Variants in COL24A1 observed in about 807,000 individuals in gnomAD.
The protein encoded by COL24A1 is collagen type XXIV alpha 1 chain.
COL24A1 carries 224 observed loss-of-function variants against 253.9 expected under a neutral mutation model. That is an observed-to-expected ratio of 0.88 (90% CI 0.79 to 0.99). COL24A1 has a LOEUF of 0.99. Among genes scored for constraint, COL24A1 ranks in the 50% least tolerant of loss-of-function variants. COL24A1 has a pLI of 0.00. For missense variants in COL24A1, 2,131 were observed against 2,068.5 expected, an observed-to-expected ratio of 1.03 and a Z score of -0.59; for synonymous variants, 685 against 673.7, an observed-to-expected ratio of 1.02 and a Z score of -0.26.
At chr1:85,886,722 T>G (rs1355495303) in intron 32 of COL24A1, among the ~76,000 whole-genome samples, 1 of 152,178 alleles carries the variant, frequency 6.6e-6, no homozygotes, top group Non-Finnish European at 1.5e-5. Flanking sequence ...GTATTTCTCA[T>G]TATATCTGTG....
At chr1:86,023,682 C>T (rs1231145512) in intron 14 of COL24A1, among the ~76,000 whole-genome samples, 1 of 152,040 alleles carries the variant, frequency 6.6e-6, no homozygotes, top group Non-Finnish European at 1.5e-5. Flanking sequence ...TCTTCAGAAA[C>T]ATTACCACTA....
At chr1:86,072,725 T>A (rs560954761) in intron 7 of COL24A1, among the ~76,000 whole-genome samples, 1 of 152,214 alleles carries the variant, frequency 6.6e-6, no homozygotes, top group East Asian at 1.9e-4. Context: ...AGACACCTCA[T>A]ACAGGATAGC....
chr1:85,904,203 C>T (rs928812864), intron 28 of COL24A1, among the ~76,000 whole-genome samples: 6 of 152,260 alleles, frequency 3.9e-5, no homozygotes, highest in African/African-American at 1.2e-4. Flanking sequence ...AATAAAAATG[C>T]TCAGTTGTAT....
chr1:86,114,512 A>G (rs61802237), intron 4 of COL24A1, among the ~76,000 whole-genome samples: 15 of 152,166 alleles, frequency 9.9e-5, no homozygotes, highest in Middle Eastern at 3.4e-3. Context: ...AAGGTTTAGA[A>G]GGGGCTATGG....
chr1:85,745,475 G>T lies in COL24A1; in HGVS notation c.4469C>A (p.Ala1490Asp). ...KQMDINAAIQ[A>D]LIESNTALQM... Reference sequence around the variant, plus strand: ...TAGGGCAGTATTTGATTCAATCAAGGCTTGAATAGCAGCATTGATATCCAT... The same window carrying T: ...TAGGGCAGTATTTGATTCAATCAAGTCTTGAATAGCAGCATTGATATCCAT... Residue 1490 changes from alanine (A) to aspartate (D), a missense_variant, in exon 56 of 60, where the codon GCC becomes GAC. By Grantham distance (126) the Ala-to-Asp change is moderately radical. Coordinates refer to ENST00000370571, the MANE Select transcript of COL24A1 (RefSeq NM_152890.7). 1 of 1,610,084 alleles carries T rather than the reference G, an allele frequency of 6.2e-7. No homozygotes were observed. The highest frequency in any genetic ancestry group is 8.5e-7 in the Non-Finnish European group (1 of 1,178,414).
At chr1:86,130,889 G>A (rs996319571) in intron 2 of COL24A1, among the ~76,000 whole-genome samples, 1 of 151,756 alleles carries the variant, frequency 6.6e-6, no homozygotes, top group Non-Finnish European at 1.5e-5. Context: ...CCAGACTTTT[G>A]TAGTAGCTTC....
chr1:85,784,897 A>G (rs950904290), intron 48 of COL24A1, among the ~76,000 whole-genome samples: 2 of 151,834 alleles, frequency 1.3e-5, no homozygotes, highest in Non-Finnish European at 2.9e-5. Flanking sequence ...CACCTAGCTA[A>G]TTCTCTATTT....
intron 35 of COL24A1, among the ~76,000 whole-genome samples, chr1:85,873,075 C>T (rs921673610): frequency 2.0e-5 from 3 of 152,080 alleles, no homozygotes; most frequent in Non-Finnish European, 4.4e-5. Flanking sequence ...CCAACAGACA[C>T]ATGAAAAAAT....
At chr1:85,961,494 C>T (rs976612105) in intron 23 of COL24A1, among the ~76,000 whole-genome samples, 2 of 152,102 alleles carry the variant, frequency 1.3e-5, no homozygotes, top group Non-Finnish European at 2.9e-5. Context: ...ATCTACACAT[C>T]CTGCACATGT....
intron 39 of COL24A1, among the ~76,000 whole-genome samples, chr1:85,845,725 CTG>C (rs1335014294): frequency 6.6e-6 from 1 of 151,656 alleles, no homozygotes; most frequent in Admixed American, 6.6e-5. Context: ...TATATTAACA[CTG>C]AGAATAAAAC....
intron 48 of COL24A1, among the ~76,000 whole-genome samples, chr1:85,785,848 G>C (rs1468982513): frequency 6.6e-6 from 1 of 152,180 alleles, no homozygotes; most frequent in African/African-American, 2.4e-5. Context: ...ATTTCTAAAA[G>C]AGGTTTTGTC....
chr1:85,978,184 AT>A (rs1692884622), intron 20 of COL24A1, among the ~76,000 whole-genome samples: 1 of 152,138 alleles, frequency 6.6e-6, no homozygotes, highest in Non-Finnish European at 1.5e-5. Context: ...TGTGAAGAGC[AT>A]TCACCACTAC....
chr1:85,803,547 C>T (rs976817705), intron 47 of COL24A1, among the ~76,000 whole-genome samples: 1 of 151,332 alleles, frequency 6.6e-6, no homozygotes, highest in Admixed American at 6.6e-5. Context: ...CTGTAATTTC[C>T]CTCAGCAATG....
intron 20 of COL24A1, among the ~76,000 whole-genome samples, chr1:85,986,221 A>T (rs1693709611): frequency 6.6e-6 from 1 of 151,534 alleles, no homozygotes; most frequent in South Asian, 2.1e-4. Context: ...TTTTTCTTGA[A>T]AGTAGGGATC....
At chr1:85,896,449 T>C (rs1291950836) in intron 28 of COL24A1, 40 bp from the exon 29 acceptor site, 42 of 1,547,044 alleles carry the variant, frequency 2.7e-5, no homozygotes, top group Non-Finnish European at 3.5e-5. Flanking sequence ...ATTTGAAATG[T>C]TCCTTTTTTT....
At chr1:85,763,310 C>T (rs1464455094) in intron 53 of COL24A1, among the ~76,000 whole-genome samples, 3 of 151,292 alleles carry the variant, frequency 2.0e-5, no homozygotes, top group African/African-American at 4.9e-5. Flanking sequence ...CCTAGCTACT[C>T]GGGAGGCTGA....
chr1:85,840,926 TAA>T, intron 42 of COL24A1, among the ~76,000 whole-genome samples: 1 of 152,268 alleles, frequency 6.6e-6, no homozygotes, highest in Middle Eastern at 3.4e-3. Flanking sequence ...CTAGAGTGTA[TAA>T]GTTTTCTGAC....
chr1:85,896,487 T>G, intron 28 of COL24A1, 78 bp from the exon 29 acceptor site: 1 of 1,227,904 alleles, frequency 8.1e-7, no homozygotes, highest in South Asian at 1.3e-5. Context: ...TCCTCACAGA[T>G]GAACATGTTG....
chr1:85,889,878 C>G (rs1349215522), intron 31 of COL24A1, among the ~76,000 whole-genome samples: 3 of 152,020 alleles, frequency 2.0e-5, no homozygotes, highest in African/African-American at 7.2e-5. Context: ...CAAACTGAAA[C>G]TCTGTACCCA....
Sources: allele counts gnomAD v4.1 joint callset (sites outside exome capture counted in the v4.1 genomes callset), GRCh38; gene constraint gnomAD v4.1.1; transcripts MANE v1.5; gene names NCBI Gene and HGNC (gene_info 2026-07-23, HGNC 2026-07-21).